The following EPHA6 variants were observed in gnomAD, a reference collection of about 807,000 sequenced individuals.
The protein encoded by EPHA6 is EPH receptor A6.
A neutral mutation model predicts 112.0 loss-of-function variants in EPHA6; 50 were observed. That is an observed-to-expected ratio of 0.45 (90% CI 0.36 to 0.56). The LOEUF (loss-of-function observed/expected upper bound fraction) is 0.56. Ranked by LOEUF, EPHA6 falls within the 20% of genes least tolerant of loss-of-function variation. The probability of loss-of-function intolerance (pLI) is 0.00; values close to 1 mark genes in which losing one functional copy is unlikely to be tolerated. For missense variants in EPHA6, 1,280 were observed against 1,417.4 expected, an observed-to-expected ratio of 0.90 and a Z score of 1.56; for synonymous variants, 529 against 490.7, an observed-to-expected ratio of 1.08 and a Z score of -1.03.
chr3:97,242,222 GCCTAGCAGT>G (rs1221385117), intron 4 of EPHA6, among the ~76,000 whole-genome samples: 1 of 151,740 alleles, frequency 6.6e-6, no homozygotes, highest in Non-Finnish European at 1.5e-5. Flanking sequence ...ATTCCAATGA[GCCTAGCAGT>G]CCTGCACTAT....
rs867885491 is a variant in EPHA6, at chr3:97,149,978, A to T, written c.1115-76286A>T. 7.9e-5 allele frequency among the ~76,000 whole-genome samples: 12 copies of T among 151,924 alleles called. No individual in the cohort carries two copies. In the South Asian group the frequency reaches 8.3e-4, roughly 11 times the overall value. ...TAACTTACTGAATTCTATGAATTTA[A>T]CTCCCATCCTTGAGAAAAGTCCAGA... is the stretch of plus-strand genomic sequence containing the variant. On this transcript the variant is annotated intron_variant, in intron 3 of 17. Transcript: ENST00000389672.
At chr3:97,378,606 G>A (rs144427851) in intron 5 of EPHA6, among the ~76,000 whole-genome samples, 3,962 of 152,270 alleles carry the variant, frequency 0.026, 62 homozygotes, top group Non-Finnish European at 0.045. Context: ...AAAGCCACAG[G>A]AGCAGAGCTG....
intron 14 of EPHA6, among the ~76,000 whole-genome samples, chr3:97,664,560 A>T (rs969817392): frequency 6.6e-6 from 1 of 152,188 alleles, no homozygotes; most frequent in Admixed American, 6.6e-5. Context: ...ATGATTGTAT[A>T]TCTAGAAAAC....
At chr3:96,994,709 GTA>G (rs66581386) in intron 3 of EPHA6, among the ~76,000 whole-genome samples, 987 of 98,320 alleles carry the variant, frequency 0.01, 14 homozygotes, top group South Asian at 0.016. Flanking sequence ...GTGTGTGTGT[GTA>G]TATATATATA....
intron 3 of EPHA6, among the ~76,000 whole-genome samples, chr3:97,200,545 G>A (rs967072503): frequency 6.6e-6 from 1 of 152,060 alleles, no homozygotes; most frequent in African/African-American, 2.4e-5. Context: ...GGCAACCTCT[G>A]TACCTGTGTT....
intron 7 of EPHA6, among the ~76,000 whole-genome samples, chr3:97,449,927 C>T (rs1324609142): frequency 1.3e-5 from 2 of 152,036 alleles, no homozygotes; most frequent in East Asian, 3.9e-4. Flanking sequence ...CATTGATGAA[C>T]AGTATTCACA....
intron 6 of EPHA6, among the ~76,000 whole-genome samples, chr3:97,418,065 A>G (rs555593905): frequency 2.6e-5 from 4 of 152,100 alleles, no homozygotes; most frequent in Non-Finnish European, 5.9e-5. Context: ...TTTAAAAAAT[A>G]ATAAATGCAA....
At chr3:96,990,285 T>C (rs771599988) in intron 3 of EPHA6, among the ~76,000 whole-genome samples, 24 of 152,314 alleles carry the variant, frequency 1.6e-4, no homozygotes, top group Non-Finnish European at 3.2e-4. Flanking sequence ...ATTTCTTCTA[T>C]GATTTGGCAA....
At chr3:97,208,861 A>G (rs1050545443) in intron 3 of EPHA6, among the ~76,000 whole-genome samples, 10 of 152,188 alleles carry the variant, frequency 6.6e-5, no homozygotes, top group Admixed American at 4.6e-4. Context: ...TGTATGATAA[A>G]TACAAACACA....
At chr3:97,341,976 G>A (rs1321190844) in intron 5 of EPHA6, among the ~76,000 whole-genome samples, 1 of 152,094 alleles carries the variant, frequency 6.6e-6, no homozygotes, top group African/African-American at 2.4e-5. Flanking sequence ...TATATAGAAG[G>A]CACATTTTGG....
At chr3:97,618,089 A>G (rs1286653835) in intron 13 of EPHA6, among the ~76,000 whole-genome samples, 5 of 152,188 alleles carry the variant, frequency 3.3e-5, no homozygotes, top group African/African-American at 1.2e-4. Flanking sequence ...CTCAGACCAC[A>G]GCACAATCAA....
chr3:97,242,515 G>A (rs1043608131), intron 4 of EPHA6, among the ~76,000 whole-genome samples: 3 of 151,588 alleles, frequency 2.0e-5, no homozygotes, highest in Non-Finnish European at 4.4e-5. Flanking sequence ...ATTATGATTT[G>A]AATTTTATTC....
At chr3:97,390,875 C>A (rs552796930) in intron 5 of EPHA6, among the ~76,000 whole-genome samples, 1 of 152,090 alleles carries the variant, frequency 6.6e-6, no homozygotes, top group Non-Finnish European at 1.5e-5. Flanking sequence ...TTTCAACCAA[C>A]AATCAAATCA....
chr3:97,571,135 C>G (rs1456942038), intron 11 of EPHA6, among the ~76,000 whole-genome samples: 1 of 152,142 alleles, frequency 6.6e-6, no homozygotes. Context: ...ATAAACATAT[C>G]ACCTATGTCA....
chr3:97,482,987 T>C (rs2107494529), intron 9 of EPHA6, among the ~76,000 whole-genome samples: 1 of 152,272 alleles, frequency 6.6e-6, no homozygotes, highest in Non-Finnish European at 1.5e-5. Context: ...GCTTGGTGGC[T>C]TGTGCCTGTA....
intron 5 of EPHA6, among the ~76,000 whole-genome samples, chr3:97,253,984 T>A (rs574257001): frequency 1.3e-4 from 20 of 152,210 alleles, no homozygotes; most frequent in Admixed American, 3.3e-4. Flanking sequence ...ACATTTAGAA[T>A]CCTAGAAATT....
intron 5 of EPHA6, among the ~76,000 whole-genome samples, chr3:97,352,985 G>T (rs1041812460): frequency 5.3e-5 from 8 of 152,168 alleles, no homozygotes; most frequent in African/African-American, 1.7e-4. Context: ...AGGGCACCAG[G>T]CAGAGTTCTA....
chr3:96,995,854 AT>A (rs1390966127), intron 3 of EPHA6, among the ~76,000 whole-genome samples: 4 of 152,188 alleles, frequency 2.6e-5, no homozygotes, highest in African/African-American at 9.6e-5. Context: ...TTGCTGACAG[AT>A]TAGGGTGGCA....
intron 2 of EPHA6, among the ~76,000 whole-genome samples, chr3:96,868,158 G>A (rs2036427249): frequency 6.8e-6 from 1 of 147,674 alleles, no homozygotes; most frequent in South Asian, 2.1e-4. Flanking sequence ...TTGTGTGTGT[G>A]CGTGTGTGTG....
Sources: gnomAD v4.1 joint callset for allele counts (sites outside exome capture counted in the v4.1 genomes callset) on GRCh38, gnomAD v4.1.1 for gene constraint, MANE v1.5 for transcripts, NCBI Gene and HGNC (gene_info 2026-07-23, HGNC 2026-07-21) for gene names.